Variants in SH3BP1 observed in about 807,000 individuals in gnomAD.
SH3BP1 encodes SH3 domain binding protein 1, also known as SH3 domain-binding protein 1.
Under a neutral mutation model 69.8 loss-of-function variants are expected in SH3BP1, and 46 were observed. The ratio of observed to expected loss-of-function variants is 0.66; its 90% CI spans 0.52 to 0.84. The LOEUF is 0.84. Ranked by LOEUF, SH3BP1 falls within the 40% of genes least tolerant of loss-of-function variation. SH3BP1 has a pLI of 0.00. For missense variants in SH3BP1, 868 were observed against 930.9 expected (o/e 0.93, Z 0.88); for synonymous variants, 403 against 378.0 (o/e 1.07, Z -0.77).
At position 37,643,083 on chromosome 22, in the gene SH3BP1, C is replaced by T. The variant is rs776586970; in HGVS notation, c.397-15C>T. The T allele has an allele frequency of 6.2e-7, 1 of 1,610,644 alleles. No individual in the cohort carries two copies. Among genetic ancestry groups the T allele is most frequent in the East Asian group, 2.2e-5 (1 of 44,742 alleles). On this transcript the variant is annotated splice_polypyrimidine_tract_variant and intron_variant, in intron 5 of 17. Coordinates refer to ENST00000649765, the MANE Select transcript of SH3BP1 (RefSeq NM_018957.6). ...TCCTCCCCCAGCACACTGACCCCCCCATGCCCATCCCCAGGAGGAGCTGCC... is the reference window on the plus strand; with the variant it reads ...TCCTCCCCCAGCACACTGACCCCCCTATGCCCATCCCCAGGAGGAGCTGCC...
intron 1 of SH3BP1, chr22:37,640,783 G>A: frequency 2.8e-6 from 1 of 358,310 alleles, no homozygotes; most frequent in South Asian, 3.2e-5. Flanking sequence ...TCATCCCGGG[G>A]TGGGCTGAGG....
intron 4 of SH3BP1, 46 bp from the exon 5 acceptor site, chr22:37,642,849 G>A (rs775717768): frequency 1.3e-6 from 2 of 1,598,082 alleles, no homozygotes; most frequent in Non-Finnish European, 1.7e-6. Context: ...TTCCAGTGGA[G>A]GTGAGGGCAG....
chr22:37,645,230 G>A, intron 9 of SH3BP1, 135 bp from the exon 10 acceptor site: 2 of 1,209,522 alleles, frequency 1.7e-6, no homozygotes, highest in Non-Finnish European at 2.3e-6. Context: ...CGAGAGATGT[G>A]ACGGATGATT....
rs1483829775 is a variant in SH3BP1 at position 37,644,935 on chromosome 22, G to A, written c.753G>A (p.Glu251=). The change falls in exon 9 of 18, where the codon GAG becomes GAA. Residue 251 remains glutamate, a synonymous_variant. Transcript: ENST00000649765. ...GCTCGCTGGACACAGCCCTGGCTGAGCTGAGGGAGAACCACGGCCAAGCAG... is the reference window on the plus strand; with the variant it reads ...GCTCGCTGGACACAGCCCTGGCTGAACTGAGGGAGAACCACGGCCAAGCAG... The part of the protein sequence containing the change: ...SLSSLDTALA[E]LRENHGQADH... The A allele has an allele frequency of 6.2e-7, 1 of 1,613,982 alleles. No individual in the cohort carries two copies. Among genetic ancestry groups the A allele is most frequent in the South Asian group, 1.1e-5 (1 of 91,078 alleles).
At chr22:37,645,768 G>A (rs1433228067) in intron 10 of SH3BP1, among the ~76,000 whole-genome samples, 1 of 152,102 alleles carries the variant, frequency 6.6e-6, no homozygotes, top group African/African-American at 2.4e-5. Flanking sequence ...AGGTAGAGAG[G>A]TAACCATGCC....
intron 16 of SH3BP1, among the ~76,000 whole-genome samples, chr22:37,652,925 C>T (rs1251450551): frequency 1.3e-5 from 2 of 150,076 alleles, no homozygotes; most frequent in African/African-American, 4.9e-5. Flanking sequence ...CACTTGAAGT[C>T]AGGAGTTTGA....
At chr22:37,648,557 G>C (rs1932823012) in intron 14 of SH3BP1, 122 bp downstream of exon 14, 1 of 695,934 alleles carries the variant, frequency 1.4e-6, no homozygotes, top group Non-Finnish European at 2.5e-6. Context: ...AGCAGCTCCT[G>C]TTTTTGAGGC....
At position 37,643,150 on chromosome 22, in the gene SH3BP1, C is replaced by T. The variant is rs777817958; in HGVS notation, c.449C>T (p.Ser150Phe). 6.2e-7 allele frequency: 1 copy of T among 1,607,418 alleles called. No individual in the cohort carries two copies. Among genetic ancestry groups the T allele is most frequent in the Admixed American group, 1.7e-5 (1 of 59,262 alleles). The change falls in exon 6 of 18, where the codon TCC becomes TTC. Residue 150 changes from serine (S) to phenylalanine (F), a missense_variant. By Grantham distance (155) the Ser-to-Phe change is radical (BLOSUM62 -2). This residue lies in a region of SH3BP1 where 387 missense variants were observed against 447.9 expected (regional missense o/e 0.86). Coordinates refer to ENST00000649765, the MANE Select transcript of SH3BP1 (RefSeq NM_018957.6). Reference protein sequence around the residue: ...KHKKSLQKLVSDWNTLKSRLS... With the variant: ...KHKKSLQKLVFDWNTLKSRLS... ...AAGAAAAGCCTCCAGAAGCTCGTGT[C>T]CGACTGGAACACACTCAAGAGCAGG...
At chr22:37,644,755 C>T (rs1439517304) in intron 8 of SH3BP1, 50 bp downstream of exon 8, 2 of 1,609,704 alleles carry the variant, frequency 1.2e-6, no homozygotes, top group Admixed American at 3.3e-5. Flanking sequence ...GGCTGAATGC[C>T]AGAGCCAGGG....
intron 7 of SH3BP1, 108 bp from the exon 8 acceptor site, chr22:37,644,529 C>T: frequency 9.4e-7 from 1 of 1,067,834 alleles, no homozygotes; most frequent in Middle Eastern, 2.2e-4. Context: ...GGACCTTCCA[C>T]CTGCAGTTGT....
intron 16 of SH3BP1, 42 bp downstream of exon 16, chr22:37,650,767 C>T (rs749791886): frequency 6.6e-7 from 1 of 1,526,016 alleles, no homozygotes; most frequent in Non-Finnish European, 8.8e-7. Context: ...GGTACTCCCA[C>T]AATCAGCCTG....
intron 1 of SH3BP1, chr22:37,640,735 C>T (rs1337144763): frequency 3.7e-6 from 1 of 272,136 alleles, no homozygotes; most frequent in Non-Finnish European, 7.2e-6. Flanking sequence ...GGAGTCTGAG[C>T]TCCTGCACTT....
chr22:37,641,098 TCCCCCCC>T, intron 1 of SH3BP1, 21 bp from the exon 2 acceptor site: 24 of 946,718 alleles, frequency 2.5e-5, no homozygotes, highest in Non-Finnish European at 3.6e-5. Context: ...AGAAGCACTC[TCCCCCCC>T]CCCCCCACCA....
intron 13 of SH3BP1, among the ~76,000 whole-genome samples, chr22:37,647,942 C>T (rs1411793595): frequency 6.6e-6 from 1 of 152,228 alleles, no homozygotes; most frequent in Non-Finnish European, 1.5e-5. Context: ...TCCCAAAGTG[C>T]TGGGATTACA....
intron 1 of SH3BP1, 28 bp from the exon 2 acceptor site, chr22:37,641,098 T>TGGG: frequency 2.1e-6 from 2 of 946,798 alleles, no homozygotes; most frequent in Non-Finnish European, 3.1e-6. Flanking sequence ...AGAAGCACTC[T>TGGG]CCCCCCCCCC....
Position 37,655,283 on chromosome 22 carries a change from G to A in SH3BP1, c.1705G>A (p.Ala569Thr), listed in dbSNP as rs761485751. Residue 569 changes from alanine (A) to threonine (T), a missense_variant, in exon 18 of 18, where the codon GCG becomes ACG. By Grantham distance (58) the Ala-to-Thr change is moderately conservative. Transcript: ENST00000649765. ...EDMARRTKRP[A>T]PARPTMPPPQ... ...TCCTTCCTCAACAGCCAAGCGCCCG[G>A]CGCCAGCCCGGCCCACCATGCCGCC... 1.9e-6 allele frequency: 3 copies of A among 1,581,608 alleles called. No homozygotes were observed. The highest frequency in any genetic ancestry group is 2.7e-5 in the African/African-American group (2 of 73,410).
At chr22:37,654,681 T>G (rs57992358) in intron 17 of SH3BP1, among the ~76,000 whole-genome samples, 2,857 of 152,208 alleles carry the variant, frequency 0.019, 89 homozygotes, top group African/African-American at 0.064. Context: ...ACCTGTCAGT[T>G]TGGCCCAGAG....
rs766539910 is a variant in SH3BP1 at position 37,641,183 on chromosome 22, C to T, written c.102+15C>T. On this transcript the variant is annotated intron_variant, in intron 2 of 17. Coordinates refer to ENST00000649765, the MANE Select transcript of SH3BP1 (RefSeq NM_018957.6). Reference sequence around the variant, plus strand: ...ACCTGCTGCAGGTACGTGCCTGGGCCGGGCAGGTGGGAAGGCAGGCCTGTG... The same window carrying T: ...ACCTGCTGCAGGTACGTGCCTGGGCTGGGCAGGTGGGAAGGCAGGCCTGTG... 3.9e-6 allele frequency: 6 copies of T among 1,547,974 alleles called. No homozygotes were observed. The highest frequency in any genetic ancestry group is 1.4e-5 in the African/African-American group (1 of 72,254).
At chr22:37,644,435 G>A (rs889108240) in intron 7 of SH3BP1, among the ~76,000 whole-genome samples, 5 of 152,230 alleles carry the variant, frequency 3.3e-5, no homozygotes, top group African/African-American at 1.2e-4. Flanking sequence ...ACACAGAGAT[G>A]GGGACGAGAA....
Sources: gnomAD v4.1 joint callset for allele counts (sites outside exome capture counted in the v4.1 genomes callset) on GRCh38, gnomAD v4.1.1 for gene constraint, gnomAD v4.1.1 regional missense constraint, MANE v1.5 for transcripts, NCBI Gene and HGNC (gene_info 2026-07-23, HGNC 2026-07-21) for gene names.